The following RETSAT variants were observed in gnomAD, a reference collection of about 807,000 sequenced individuals.
The protein encoded by RETSAT is retinol saturase.
RETSAT carries 35 observed loss-of-function variants against 61.6 expected under a neutral mutation model. The observed-to-expected ratio is 0.57, with a 90% CI of 0.43 to 0.75. The LOEUF (loss-of-function observed/expected upper bound fraction) is 0.75, where lower values mean the gene tolerates loss of function less well. Among genes scored for constraint, RETSAT ranks in the 30% least tolerant of loss-of-function variants. The probability of loss-of-function intolerance (pLI) is 0.00; values close to 1 mark genes in which losing one functional copy is unlikely to be tolerated. For synonymous variants in RETSAT, 277 were observed against 310.4 expected (o/e 0.89, Z 1.13); for missense variants, 670 against 759.5 (o/e 0.88, Z 1.38).
intron 1 of RETSAT, 80 bp downstream of exon 1, chr2:85,354,256 G>T: frequency 6.6e-7 from 1 of 1,507,422 alleles, no homozygotes. Flanking sequence ...GTCTGGTAGC[G>T]GCTGCCTTGG....
intron 1 of RETSAT, among the ~76,000 whole-genome samples, chr2:85,353,673 A>G (rs147979775): frequency 6.6e-4 from 101 of 152,378 alleles, no homozygotes; most frequent in African/African-American, 2.3e-3. Flanking sequence ...GTGTAGCAAG[A>G]TATGACACGG....
intron 5 of RETSAT, 138 bp from the exon 6 acceptor site, chr2:85,346,232 G>A: frequency 1.7e-6 from 2 of 1,149,930 alleles, no homozygotes; most frequent in East Asian, 2.4e-5. Flanking sequence ...GGCAGGGCAG[G>A]CCCCTGGGAA....
chr2:85,345,192 G>T (rs1683172902), intron 6 of RETSAT, among the ~76,000 whole-genome samples: 1 of 152,186 alleles, frequency 6.6e-6, no homozygotes, highest in Non-Finnish European at 1.5e-5. Flanking sequence ...CAGGCTGCAG[G>T]CTCAGCCACG....
chr2:85,351,337 A>C (rs2104439372), intron 2 of RETSAT: 1 of 442,324 alleles, frequency 2.3e-6, no homozygotes. Flanking sequence ...ACCAGCCTGG[A>C]CAACATGGAG....
intron 6 of RETSAT, chr2:85,345,699 G>A (rs1213081861): frequency 1.9e-6 from 1 of 531,368 alleles, no homozygotes; most frequent in African/African-American, 1.9e-5. Context: ...GGTGGGAGGA[G>A]CGGAGCTTTC....
intron 2 of RETSAT, 168 bp downstream of exon 2, chr2:85,351,512 C>T: frequency 1.5e-6 from 1 of 670,314 alleles, no homozygotes; most frequent in Non-Finnish European, 2.5e-6. Flanking sequence ...GCGCTCCAGC[C>T]TGGGTGATGA....
At position 85,343,276 on chromosome 2, in the gene RETSAT, T is replaced by C; in HGVS notation, c.1799A>G (p.Asp600Gly). 1 of 1,614,294 alleles carries C rather than the reference T, an allele frequency of 6.2e-7. No homozygotes were observed. Among genetic ancestry groups the C allele is most frequent in the Non-Finnish European group, 8.5e-7 (1 of 1,180,042 alleles). The change falls in exon 11 of 11, where the codon GAT (aspartate) becomes GGT (glycine). Residue 600 changes from aspartate (D) to glycine (G), a missense_variant. Asp to Gly is a moderately conservative substitution (Grantham distance 94). Coordinates refer to ENST00000295802, the MANE Select transcript of RETSAT (RefSeq NM_017750.4). Reference protein sequence around the residue: ...RNLYSDLKNLDSRIRAQKKKN With the variant: ...RNLYSDLKNLGSRIRAQKKKN ...TTTCTTCTGTGCCCGGATCCTAGAA[T>C]CAAGATTCTTAAGGTCTGAGTACAA... is the stretch of plus-strand genomic sequence containing the variant.
rs1321638164 is a variant in RETSAT at position 85,351,845 on chromosome 2, C to T, written c.190G>A (p.Val64Met). 4 of 1,613,762 alleles carry T rather than the reference C, an allele frequency of 2.5e-6. No homozygotes were observed. Among genetic ancestry groups the T allele is most frequent in the Admixed American group, 3.3e-5 (2 of 59,982 alleles). ...VLKQAFSANQVPEKLDVVVIG... is the reference protein window; with the variant it reads ...VLKQAFSANQMPEKLDVVVIG... ...ACCACCACATCCAGCTTCTCCGGCA[C>T]TTGGTTGGCTGAAAAAGCTACAGCA... The change falls in exon 2 of 11, where the codon GTG becomes ATG. Residue 64 changes from valine (V) to methionine (M), a missense_variant. Coordinates refer to ENST00000295802, the MANE Select transcript of RETSAT (RefSeq NM_017750.4).
chr2:85,344,968 CAG>C (rs1683169278), intron 6 of RETSAT, among the ~76,000 whole-genome samples: 2 of 152,198 alleles, frequency 1.3e-5, no homozygotes, highest in African/African-American at 2.4e-5. Context: ...GCGGGAGGGA[CAG>C]ATGACTGTAG....
intron 9 of RETSAT, 80 bp downstream of exon 9, chr2:85,343,919 G>C: frequency 3.1e-6 from 5 of 1,588,732 alleles, no homozygotes; most frequent in Non-Finnish European, 4.3e-6. Context: ...CATGTCTTGG[G>C]GCCTGATTCC....
At chr2:85,345,571 A>G (rs569322828) in intron 6 of RETSAT, 19 of 352,076 alleles carry the variant, frequency 5.4e-5, no homozygotes, top group South Asian at 6.7e-5. Context: ...ATCCAGTTAC[A>G]TGAAGGTGGC....
chr2:85,349,671 GC>G, intron 4 of RETSAT, 90 bp from the exon 5 acceptor site: 1 of 1,126,012 alleles, frequency 8.9e-7, no homozygotes, highest in Non-Finnish European at 1.3e-6. Context: ...ATAACACACA[GC>G]CCAGTCTATC....
chr2:85,344,742 G>A lies in RETSAT; in HGVS notation c.1118-10C>T, dbSNP rs1683160816. ...AGTTGCTGCTTCACACCTGCCAGGG[G>A]GAGTGGTTGGTGCCTGTGTGGACCA... On this transcript the variant is annotated splice_polypyrimidine_tract_variant and intron_variant, in intron 6 of 10. Coordinates refer to ENST00000295802, the MANE Select transcript of RETSAT (RefSeq NM_017750.4). 3 of 1,613,674 alleles carry A rather than the reference G, an allele frequency of 1.9e-6. No homozygotes were observed. The highest frequency in any genetic ancestry group is 2.5e-6 in the Non-Finnish European group (3 of 1,179,740).
intron 2 of RETSAT, 136 bp from the exon 3 acceptor site, chr2:85,351,157 G>T: frequency 9.8e-7 from 1 of 1,021,430 alleles, no homozygotes; most frequent in Non-Finnish European, 1.4e-6. Context: ...CACTCTGTCT[G>T]TAGGGAGGTG....
In RETSAT at chr2:85,345,875, G is replaced by A. The variant is rs755843263; in HGVS notation, c.1117+100C>T. ...TTGCTTAAGGACAATCAGAGGGCCG[G>A]CCAAGAAGAGGAGAAGCATGACCCA... On this transcript the variant is annotated intron_variant, in intron 6 of 10. Transcript: ENST00000295802. 23 of 1,480,996 alleles carry A rather than the reference G, an allele frequency of 1.6e-5. No homozygotes were observed. The South Asian group carries it at 2.5e-4, about 16-fold the overall frequency. The allele number at this position is 1,480,996 out of a possible 1,614,324, so 91.7% of individuals were successfully genotyped here.
Position 85,349,531 on chromosome 2 carries a change from G to A in RETSAT, c.850C>T (p.His284Tyr). The change falls in exon 5 of 11, where the codon CAC becomes TAC. Residue 284 changes from histidine (H) to tyrosine (Y), a missense_variant. Physicochemically the swap from His to Tyr is moderately conservative, Grantham distance 83 (BLOSUM62 2). Coordinates refer to ENST00000295802, the MANE Select transcript of RETSAT (RefSeq NM_017750.4). ...AFSMHALLVN[H>Y]YMKGGFYPRG... is the part of the protein sequence containing the mutation. ...GGATAAAAGCCTCCTTTCATGTAGT[G>A]GTTGACCAGCAGGGCGTGCATGGAA... 6.2e-7 allele frequency: 1 copy of A among 1,614,194 alleles called. No homozygotes were observed. The highest frequency in any genetic ancestry group is 8.5e-7 in the Non-Finnish European group (1 of 1,180,030).
chr2:85,349,767 C>T, intron 4 of RETSAT, 186 bp from the exon 5 acceptor site: 1 of 642,724 alleles, frequency 1.6e-6, no homozygotes, highest in Non-Finnish European at 2.7e-6. Flanking sequence ...ATCTTGGCGC[C>T]AGTAGGAATA....
chr2:85,344,830 C>T (rs930663683), intron 6 of RETSAT, 98 bp from the exon 7 acceptor site: 15 of 1,390,384 alleles, frequency 1.1e-5, no homozygotes, highest in African/African-American at 1.4e-5. Context: ...TGGCACCTGC[C>T]TGAGGCATGC....
intron 7 of RETSAT, 30 bp from the exon 8 acceptor site, chr2:85,344,378 C>T: frequency 1.2e-6 from 2 of 1,608,530 alleles, no homozygotes; most frequent in Non-Finnish European, 1.7e-6. Flanking sequence ...GGTGGGATCT[C>T]CAGGTTTTTG....
Sources: gnomAD v4.1 joint callset for allele counts (sites outside exome capture counted in the v4.1 genomes callset) on GRCh38, gnomAD v4.1.1 for gene constraint, MANE v1.5 for transcripts, NCBI Gene and HGNC (gene_info 2026-07-23, HGNC 2026-07-21) for gene names.